The following SYBU variants were observed in gnomAD, a reference collection of about 807,000 sequenced individuals.
The protein encoded by SYBU is GOLSYN A protein.
SYBU carries 21 observed loss-of-function variants against 35.9 expected under a neutral mutation model. The ratio of observed to expected loss-of-function variants is 0.58; its 90% CI spans 0.41 to 0.84. SYBU has a LOEUF of 0.84. Among genes scored for constraint, SYBU ranks in the 40% least tolerant of loss-of-function variants. The pLI is 0.00. For synonymous variants in SYBU, 319 were observed against 324.3 expected, an observed-to-expected ratio of 0.98 and a Z score of 0.18; for missense variants, 768 against 848.2, an observed-to-expected ratio of 0.91 and a Z score of 1.17.
intron 2 of SYBU, among the ~76,000 whole-genome samples, chr8:109,621,627 C>T (rs1212848430): frequency 6.6e-6 from 1 of 152,178 alleles, no homozygotes; most frequent in Non-Finnish European, 1.5e-5. Flanking sequence ...AGCCCACAGG[C>T]ATTGTACCCA....
rs552739018 is a variant in SYBU at position 109,616,993 on chromosome 8, G to A, written c.427+1849C>T. On this transcript the variant is annotated intron_variant, in intron 3 of 6. Coordinates refer to ENST00000276646, the MANE Select transcript of SYBU (RefSeq NM_001099754.2). ...ATTTCTACTAAAAAAAAAAGTAGCC[G>A]GGCATGGTGGCGCTTGCCTGTAGTC... Among the ~76,000 whole-genome samples the A allele has an allele frequency of 5.7e-4, 87 of 152,096 alleles. 1 individual carries two copies. The highest frequency in any genetic ancestry group is 2.5e-3 in the South Asian group (12 of 4,800).
intron 3 of SYBU, among the ~76,000 whole-genome samples, chr8:109,610,687 T>C (rs1442478422): frequency 6.6e-6 from 1 of 152,198 alleles, no homozygotes; most frequent in Non-Finnish European, 1.5e-5. Flanking sequence ...TAACTTTCTG[T>C]AAATAATCCT....
chr8:109,675,414 G>A (rs1817151770), intron 1 of SYBU, among the ~76,000 whole-genome samples: 1 of 152,106 alleles, frequency 6.6e-6, no homozygotes, highest in African/African-American at 2.4e-5. Flanking sequence ...AAGAATAAAA[G>A]AGAGGAATCA....
chr8:109,642,898 A>G lies in SYBU; in HGVS notation c.59T>C (p.Ile20Thr). ...CAACCGGGGAATTCGGCTTCGAGAA[A>G]TCTCCTTGTCATGATGCTGCACTCT... Reference protein sequence around the residue: ...EHRVQHHDKEISRSRIPRLIL... With the variant: ...EHRVQHHDKETSRSRIPRLIL... The change falls in exon 2 of 7, where the codon ATT becomes ACT. Residue 20 changes from isoleucine to threonine, a missense_variant. Coordinates refer to ENST00000276646, the MANE Select transcript of SYBU (RefSeq NM_001099754.2). The G allele has an allele frequency of 1.9e-6, 3 of 1,584,730 alleles. No individual in the cohort carries two copies. Among genetic ancestry groups the G allele is most frequent in the Non-Finnish European group, 8.6e-7 (1 of 1,163,890 alleles).
chr8:109,580,039 G>T, intron 4 of SYBU, 37 bp from the exon 5 acceptor site: 2 of 1,584,862 alleles, frequency 1.3e-6, no homozygotes, highest in South Asian at 1.1e-5. Context: ...AAATTCTTGG[G>T]GCTACAGATG....
intron 3 of SYBU, among the ~76,000 whole-genome samples, chr8:109,607,040 TAA>T (rs1826140181): frequency 6.6e-6 from 1 of 152,240 alleles, no homozygotes; most frequent in Non-Finnish European, 1.5e-5. Context: ...TACACAATTT[TAA>T]AGTTACCGAA....
chr8:109,654,576 T>C (rs1016710689), intron 1 of SYBU, among the ~76,000 whole-genome samples: 1 of 152,214 alleles, frequency 6.6e-6, no homozygotes. Flanking sequence ...TTCTTTCCAA[T>C]TGCTTCAATT....
chr8:109,588,549 A>T (rs1008941305), intron 3 of SYBU, among the ~76,000 whole-genome samples: 2 of 152,256 alleles, frequency 1.3e-5, no homozygotes, highest in Non-Finnish European at 2.9e-5. Context: ...ATTTCAGTTC[A>T]TGAATTTAAA....
At chr8:109,640,166 T>C (rs1814695562) in intron 2 of SYBU, among the ~76,000 whole-genome samples, 1 of 152,168 alleles carries the variant, frequency 6.6e-6, no homozygotes, top group African/African-American at 2.4e-5. Context: ...TTTCATCTAG[T>C]TAATAGCAAA....
intron 3 of SYBU, 34 bp from the exon 4 acceptor site, chr8:109,586,196 G>T: frequency 6.7e-7 from 1 of 1,495,848 alleles, no homozygotes; most frequent in South Asian, 1.2e-5. Flanking sequence ...AAGCGTGAGG[G>T]AAAGGAAACT....
At chr8:109,631,819 T>C (rs1381116586) in intron 2 of SYBU, among the ~76,000 whole-genome samples, 1 of 152,188 alleles carries the variant, frequency 6.6e-6, no homozygotes, top group East Asian at 1.9e-4. Context: ...TTTTCTTTCA[T>C]ACGGTTATGA....
intron 1 of SYBU, among the ~76,000 whole-genome samples, chr8:109,667,133 T>C (rs914939825): frequency 2.6e-5 from 4 of 152,202 alleles, no homozygotes; most frequent in African/African-American, 4.8e-5. Context: ...TTTCCTTTTT[T>C]TGAGACAGAG....
At chr8:109,604,382 A>G (rs1022888239) in intron 3 of SYBU, among the ~76,000 whole-genome samples, 1 of 152,186 alleles carries the variant, frequency 6.6e-6, no homozygotes, top group African/African-American at 2.4e-5. Flanking sequence ...TCTAGGTAAC[A>G]TGGTCATCCT....
intron 2 of SYBU, among the ~76,000 whole-genome samples, chr8:109,626,860 T>C (rs1813038533): frequency 6.6e-6 from 1 of 152,182 alleles, no homozygotes; most frequent in African/African-American, 2.4e-5. Flanking sequence ...AATAAGACCC[T>C]GTCTCAAAAA....
intron 2 of SYBU, among the ~76,000 whole-genome samples, chr8:109,626,942 T>C (rs1813047292): frequency 6.6e-6 from 1 of 152,232 alleles, no homozygotes; most frequent in South Asian, 2.1e-4. Flanking sequence ...TAATAAAATA[T>C]TTCTTCAAAG....
chr8:109,636,452 A>T (rs1330270536), intron 2 of SYBU, among the ~76,000 whole-genome samples: 2 of 152,100 alleles, frequency 1.3e-5, no homozygotes, highest in African/African-American at 4.8e-5. Context: ...AAAACAATTG[A>T]TTTTTCTAAT....
chr8:109,670,819 T>C (rs1816952215), intron 1 of SYBU, among the ~76,000 whole-genome samples: 1 of 152,088 alleles, frequency 6.6e-6, no homozygotes, highest in Non-Finnish European at 1.5e-5. Flanking sequence ...TATAATAGAA[T>C]TCTAGGAGTA....
chr8:109,632,194 C>T (rs182625491), intron 2 of SYBU, among the ~76,000 whole-genome samples: 237 of 152,206 alleles, frequency 1.6e-3, no homozygotes, highest in African/African-American at 5.4e-3. Flanking sequence ...GAATTACAGG[C>T]GCCCGCCACC....
At chr8:109,631,612 A>G (rs538107823) in intron 2 of SYBU, among the ~76,000 whole-genome samples, 233 of 152,268 alleles carry the variant, frequency 1.5e-3, no homozygotes, top group African/African-American at 5.3e-3. Flanking sequence ...GCAGCCCCTG[A>G]AGCAGGAATT....
Sources: allele counts gnomAD v4.1 joint callset (sites outside exome capture counted in the v4.1 genomes callset), GRCh38; gene constraint gnomAD v4.1.1; transcripts MANE v1.5; gene names NCBI Gene and HGNC (gene_info 2026-07-23, HGNC 2026-07-21).